Variants in RBFOX1 observed in about 807,000 individuals in gnomAD.
The protein encoded by RBFOX1 is RNA binding protein fox-1 homolog 1.
RBFOX1 carries 8 observed loss-of-function variants against 57.7 expected under a neutral mutation model. That is an observed-to-expected ratio of 0.14 (90% CI 0.08 to 0.25). The LOEUF (loss-of-function observed/expected upper bound fraction) is 0.25, where lower values mean the gene tolerates loss of function less well. Among genes scored for constraint, RBFOX1 ranks in the 10% least tolerant of loss-of-function variants. RBFOX1 has a pLI of 1.00. For synonymous variants in RBFOX1, 326 were observed against 222.4 expected (o/e 1.47, Z -4.15); for missense variants, 611 against 548.5 (o/e 1.11, Z -1.14).
intron 3 of RBFOX1, among the ~76,000 whole-genome samples, chr16:6,855,868 C>G (rs1157800052): frequency 1.3e-5 from 1 of 74,444 alleles, no homozygotes; most frequent in South Asian, 5.2e-4. Flanking sequence ...CCTTTCTTCC[C>G]TGCTTTCTTC....
Position 5,585,873 on chromosome 16 carries a change from G to C in RBFOX1, c.259-13029G>C, listed in dbSNP as rs530366774. ...TTGGCATTTTTTTTGGTGTGCTCTA[G>C]TGGGTTGAATAGTGGCTCCCAAAAG... On this transcript the variant is annotated intron_variant, in intron 2 of 2. Transcript: ENST00000585867. Among the ~76,000 whole-genome samples the C allele has an allele frequency of 3.3e-5, 5 of 152,320 alleles. No homozygotes were observed. The South Asian group carries it at 6.2e-4, about 19-fold the overall frequency.
chr16:5,839,969 C>G (rs921182494), intron 3 of RBFOX1, among the ~76,000 whole-genome samples: 11 of 152,154 alleles, frequency 7.2e-5, no homozygotes, highest in African/African-American at 2.7e-4. Context: ...GATTACTGGA[C>G]AAACATCTAA....
intron 4 of RBFOX1, among the ~76,000 whole-genome samples, chr16:7,415,713 G>C (rs546837926): frequency 2.0e-5 from 3 of 152,110 alleles, no homozygotes; most frequent in Admixed American, 6.5e-5. Flanking sequence ...GGCAAGAAAA[G>C]GGCTACCATT....
intron 3 of RBFOX1, among the ~76,000 whole-genome samples, chr16:5,760,602 T>A (rs950233479): frequency 2.0e-5 from 3 of 152,174 alleles, no homozygotes. Flanking sequence ...CTGGTATGGA[T>A]GAACCTTGAA....
At chr16:7,466,685 G>A (rs1387431196) in intron 4 of RBFOX1, among the ~76,000 whole-genome samples, 1 of 152,192 alleles carries the variant, frequency 6.6e-6, no homozygotes, top group Non-Finnish European at 1.5e-5. Flanking sequence ...TCTGTAAAAT[G>A]GCAACAGTGA....
At chr16:5,420,036 C>T (rs1424584709) in intron 1 of RBFOX1, among the ~76,000 whole-genome samples, 2 of 152,144 alleles carry the variant, frequency 1.3e-5, no homozygotes, top group Non-Finnish European at 1.5e-5. Flanking sequence ...GAGAGTCCAA[C>T]TGAGTCCCCT....
intron 4 of RBFOX1, among the ~76,000 whole-genome samples, chr16:5,968,411 C>G (rs1053393285): frequency 2.0e-5 from 3 of 152,194 alleles, no homozygotes; most frequent in African/African-American, 7.2e-5. Context: ...AATGAGGATT[C>G]TCTTCTCTGA....
intron 5 of RBFOX1, among the ~76,000 whole-genome samples, chr16:7,532,581 G>A (rs936690189): frequency 5.3e-5 from 8 of 152,176 alleles, no homozygotes; most frequent in African/African-American, 1.9e-4. Flanking sequence ...ATGGGGCCCA[G>A]AGCCCCTTAG....
At chr16:7,226,426 G>C (rs1485044457) in intron 4 of RBFOX1, among the ~76,000 whole-genome samples, 5 of 152,202 alleles carry the variant, frequency 3.3e-5, no homozygotes, top group Non-Finnish European at 5.9e-5. Context: ...AGTTAAAAGA[G>C]TTGGGTAGAA....
At chr16:5,556,844 T>C (rs2045697292) in intron 2 of RBFOX1, among the ~76,000 whole-genome samples, 1 of 152,224 alleles carries the variant, frequency 6.6e-6, no homozygotes, top group South Asian at 2.1e-4. Context: ...TGTACCCTAT[T>C]ACTTCCCTGT....
intron 3 of RBFOX1, among the ~76,000 whole-genome samples, chr16:5,832,255 G>A (rs995571828): frequency 7.9e-5 from 12 of 152,354 alleles, no homozygotes; most frequent in Admixed American, 2.6e-4. Context: ...TCCTGAAACA[G>A]GAGTAAGGCT....
intron 4 of RBFOX1, among the ~76,000 whole-genome samples, chr16:6,005,912 G>C (rs142380381): frequency 6.6e-6 from 1 of 152,216 alleles, no homozygotes; most frequent in African/African-American, 2.4e-5. Flanking sequence ...GATGACAGAA[G>C]AGACTATTTA....
chr16:7,706,447 T>C (rs959677694), intron 14 of RBFOX1, among the ~76,000 whole-genome samples: 2 of 152,206 alleles, frequency 1.3e-5, no homozygotes, highest in Admixed American at 6.5e-5. Flanking sequence ...CCCAGCGTTA[T>C]AGAATTTACC....
chr16:7,000,118 A>T (rs898628509), intron 3 of RBFOX1, among the ~76,000 whole-genome samples: 9 of 151,916 alleles, frequency 5.9e-5, no homozygotes, highest in African/African-American at 2.2e-4. Flanking sequence ...CAAACATCAT[A>T]TTATTTTTAA....
chr16:6,497,904 G>C (rs2095816155), intron 2 of RBFOX1, among the ~76,000 whole-genome samples: 1 of 151,862 alleles, frequency 6.6e-6, no homozygotes, highest in Admixed American at 6.6e-5. Flanking sequence ...GCATTCAGAG[G>C]TTTTCAATCA....
intron 2 of RBFOX1, among the ~76,000 whole-genome samples, chr16:5,489,689 G>C (rs933950619): frequency 3.9e-5 from 6 of 152,194 alleles, no homozygotes; most frequent in Non-Finnish European, 2.9e-5. Flanking sequence ...TGTGCCCAGT[G>C]CTTGACGTGA....
rs2046969761 is a variant in RBFOX1 at position 5,590,463 on chromosome 16, A to G, written c.259-8439A>G. On this transcript the variant is annotated intron_variant, in intron 2 of 2. Coordinates refer to the RBFOX1 transcript ENST00000585867. ...TGAAAGTTAACTGGCATTTCCTACGAAGGGCTGGGGGTGGTTTGATTCAGA... is the reference window on the plus strand; with the variant it reads ...TGAAAGTTAACTGGCATTTCCTACGGAGGGCTGGGGGTGGTTTGATTCAGA... Among the ~76,000 whole-genome samples, 2 of 152,168 alleles carry G rather than the reference A, an allele frequency of 1.3e-5. 1 individual carries two copies. Among genetic ancestry groups the G allele is most frequent in the South Asian group, 4.2e-4 (2 of 4,818 alleles).
chr16:6,833,328 G>C (rs1335505459), intron 3 of RBFOX1, among the ~76,000 whole-genome samples: 1 of 150,384 alleles, frequency 6.6e-6, no homozygotes, highest in South Asian at 2.1e-4. Context: ...ACCATGCCTG[G>C]CTAATTTTTT....
chr16:5,705,827 C>A (rs1036121365), intron 3 of RBFOX1, among the ~76,000 whole-genome samples: 2 of 152,162 alleles, frequency 1.3e-5, no homozygotes, highest in East Asian at 3.8e-4. Context: ...TTATCATATC[C>A]GTAGTGGCTA....
Sources: gnomAD v4.1 joint callset for allele counts (sites outside exome capture counted in the v4.1 genomes callset) on GRCh38, gnomAD v4.1.1 for gene constraint, MANE v1.5 for transcripts, NCBI Gene and HGNC (gene_info 2026-07-23, HGNC 2026-07-21) for gene names.